ARHGAP26: variants seen among roughly 807,000 people sequenced by gnomAD.
The protein encoded by ARHGAP26 is rho GTPase-activating protein 26.
A neutral mutation model predicts 104.8 loss-of-function variants in ARHGAP26; 38 were observed. That is an observed-to-expected ratio of 0.36 (90% CI 0.28 to 0.48). ARHGAP26 has a LOEUF of 0.48. ARHGAP26 is among the 20% of genes least tolerant of loss of function. The pLI is 0.99. For missense variants in ARHGAP26, 704 were observed against 947.9 expected (o/e 0.74, Z 3.38); for synonymous variants, 341 against 340.0 (o/e 1.00, Z -0.03).
At chr5:143,050,838 C>T (rs549861619) in intron 14 of ARHGAP26, among the ~76,000 whole-genome samples, 2 of 152,312 alleles carry the variant, frequency 1.3e-5, no homozygotes, top group Admixed American at 6.5e-5. Context: ...CTACTAATCA[C>T]AATCCTGAGT....
chr5:143,102,608 T>C (rs1424945506), intron 17 of ARHGAP26, among the ~76,000 whole-genome samples: 1 of 152,232 alleles, frequency 6.6e-6, no homozygotes, highest in African/African-American at 2.4e-5. Flanking sequence ...CCTGTGCCTG[T>C]TGCGTCGCCC....
Position 143,183,073 on chromosome 5 carries a change from C to CAAAAAA in ARHGAP26, c.1989-24112_1989-24107dup, listed in dbSNP as rs70991799. On this transcript the variant is annotated intron_variant, in intron 20 of 22. Transcript: ENST00000645722. ...TATGCCTCATGCAAATGAAAAGTGG[C>CAAAAAA]AAAAAAAAAAAAAAAAAAGAAAAAA... 1.0e-4 allele frequency among the ~76,000 whole-genome samples: 9 copies of CAAAAAA among 89,930 alleles called. No individual in the cohort carries two copies. In the East Asian group the frequency reaches 1.9e-3, roughly 19 times the overall value. 59.0% of individuals were successfully genotyped at this position (89,930 alleles called of 152,430 possible).
intron 1 of ARHGAP26, among the ~76,000 whole-genome samples, chr5:142,780,171 G>A (rs1369001342): frequency 2.0e-5 from 3 of 152,096 alleles, no homozygotes; most frequent in Admixed American, 2.0e-4. Context: ...ATTCTACATT[G>A]GTACATAGAG....
chr5:143,039,363 A>G (rs965308922), intron 13 of ARHGAP26, among the ~76,000 whole-genome samples: 1 of 151,926 alleles, frequency 6.6e-6, no homozygotes, highest in Non-Finnish European at 1.5e-5. Context: ...GCCTGCCACC[A>G]TGCCCAGCTA....
intron 20 of ARHGAP26, among the ~76,000 whole-genome samples, chr5:143,190,051 C>T (rs1008051683): frequency 7.5e-6 from 1 of 132,646 alleles, no homozygotes; most frequent in African/African-American, 3.0e-5. Context: ...AAAAAAAAGA[C>T]CTGGTTTCTG....
intron 11 of ARHGAP26, among the ~76,000 whole-genome samples, chr5:142,939,804 C>G (rs1303854824): frequency 6.6e-6 from 1 of 152,232 alleles, no homozygotes; most frequent in Admixed American, 6.5e-5. Flanking sequence ...GCCCCTACCT[C>G]ATAAGAGTGC....
chr5:143,160,466 C>T (rs1801082915), intron 20 of ARHGAP26, among the ~76,000 whole-genome samples: 1 of 102,592 alleles, frequency 9.7e-6, no homozygotes, highest in African/African-American at 4.4e-5. Flanking sequence ...GAAGTTGTTG[C>T]TTTTGGTGGT....
chr5:142,784,893 C>A (rs1290213633), intron 1 of ARHGAP26, among the ~76,000 whole-genome samples: 1 of 151,346 alleles, frequency 6.6e-6, no homozygotes, highest in Non-Finnish European at 1.5e-5. Flanking sequence ...CCATCCCTAC[C>A]TCTCATCCCT....
chr5:142,893,636 A>G (rs1316853054), intron 5 of ARHGAP26, among the ~76,000 whole-genome samples: 1 of 152,202 alleles, frequency 6.6e-6, no homozygotes, highest in Non-Finnish European at 1.5e-5. Flanking sequence ...GCTGGATTAT[A>G]TGGTAGTACT....
chr5:142,774,651 C>T (rs1328670305), intron 1 of ARHGAP26, among the ~76,000 whole-genome samples: 2 of 152,106 alleles, frequency 1.3e-5, no homozygotes, highest in African/African-American at 4.8e-5. Context: ...TGGATTTTGA[C>T]AAATGTATAA....
chr5:143,006,327 T>G (rs1357865010), intron 11 of ARHGAP26, among the ~76,000 whole-genome samples: 17 of 151,356 alleles, frequency 1.1e-4, no homozygotes, highest in Admixed American at 6.6e-4. Flanking sequence ...TTTTTTTTTT[T>G]TTTTTTTTTT....
intron 20 of ARHGAP26, among the ~76,000 whole-genome samples, chr5:143,162,888 C>T (rs1801440411): frequency 6.6e-6 from 1 of 152,040 alleles, no homozygotes; most frequent in South Asian, 2.1e-4. Flanking sequence ...AATCTCAGCA[C>T]TTCAGAAAGA....
intron 1 of ARHGAP26, among the ~76,000 whole-genome samples, chr5:142,779,793 G>A (rs1322927242): frequency 6.6e-6 from 1 of 152,188 alleles, no homozygotes; most frequent in Non-Finnish European, 1.5e-5. Context: ...AAACAGATAG[G>A]ACCAAAGCCT....
rs139544039 is a variant in ARHGAP26, at chr5:143,135,469, A to C, written c.1837+1364A>C. ...TGAGCTACTTTGCCTTGAAGAGGAG[A>C]GGCTTCATATCTGGATTGGTATCTT... On this transcript the variant is annotated intron_variant, in intron 19 of 22. Coordinates refer to ENST00000645722, the MANE Select transcript of ARHGAP26 (RefSeq NM_001135608.3). 2.0e-3 allele frequency among the ~76,000 whole-genome samples: 310 copies of C among 152,224 alleles called. 4 individuals are homozygous for C. Among genetic ancestry groups the C allele is most frequent in the African/African-American group, 7.2e-3 (301 of 41,534 alleles).
Position 143,141,344 on chromosome 5 carries a change from G to A in ARHGAP26, c.1838-5887G>A, listed in dbSNP as rs145917341. ...ATTAAGTATGATGTGAGTCTGCTTC[G>A]TTAAAAAAGTACATGTCTGTGTGTG... On this transcript the variant is annotated intron_variant, in intron 19 of 22. Transcript: ENST00000645722. Among the ~76,000 whole-genome samples the A allele has an allele frequency of 4.5e-3, 681 of 152,250 alleles. 2 individuals carry two copies. The highest frequency in any genetic ancestry group is 6.8e-3 in the Middle Eastern group (2 of 294).
At position 142,834,988 on chromosome 5, in the gene ARHGAP26, C is replaced by T. The variant is rs1409211850; in HGVS notation, c.155-38412C>T. On this transcript the variant is annotated intron_variant, in intron 1 of 22. Coordinates refer to ENST00000645722, the MANE Select transcript of ARHGAP26 (RefSeq NM_001135608.3). ...TCTATAATACTGAGACTCTGTTCCA[C>T]CTGGTTCACGTGTGAACACTGTCAG... 4.6e-5 allele frequency among the ~76,000 whole-genome samples: 7 copies of T among 152,332 alleles called. No homozygotes were observed. The East Asian group carries it at 5.8e-4, about 13-fold the overall frequency.
intron 1 of ARHGAP26, among the ~76,000 whole-genome samples, chr5:142,857,206 C>A (rs896510973): frequency 2.6e-5 from 4 of 152,192 alleles, no homozygotes; most frequent in African/African-American, 9.7e-5. Flanking sequence ...TAACTAGTTA[C>A]ATCTACAAAG....
chr5:142,956,634 C>T (rs1211346548), intron 11 of ARHGAP26, among the ~76,000 whole-genome samples: 1 of 152,172 alleles, frequency 6.6e-6, no homozygotes, highest in Admixed American at 6.5e-5. Flanking sequence ...TTCAAGACAT[C>T]TGTGACTTTA....
intron 10 of ARHGAP26, among the ~76,000 whole-genome samples, chr5:142,914,708 G>A (rs557223535): frequency 5.9e-5 from 9 of 152,164 alleles, no homozygotes; most frequent in African/African-American, 2.2e-4. Context: ...TGGGGTCGGA[G>A]GATAGCTTGA....
Sources: gnomAD v4.1 joint callset for allele counts (sites outside exome capture counted in the v4.1 genomes callset) on GRCh38, gnomAD v4.1.1 for gene constraint, MANE v1.5 for transcripts, NCBI Gene and HGNC (gene_info 2026-07-23, HGNC 2026-07-21) for gene names.